PSTPIP2: variants seen among roughly 807,000 people sequenced by gnomAD.
PSTPIP2 encodes proline-serine-threonine phosphatase-interacting protein 2.
A neutral mutation model predicts 63.3 loss-of-function variants in PSTPIP2; 33 were observed. The observed-to-expected ratio is 0.52, with a 90% CI of 0.40 to 0.70. The LOEUF is 0.70. Ranked by LOEUF, PSTPIP2 falls within the 30% of genes least tolerant of loss-of-function variation. The probability of loss-of-function intolerance (pLI) is 0.00; values close to 1 mark genes in which losing one functional copy is unlikely to be tolerated. For synonymous variants in PSTPIP2, 125 were observed against 132.7 expected (o/e 0.94, Z 0.40); for missense variants, 312 against 400.7 (o/e 0.78, Z 1.89).
chr18:46,026,730 T>G lies in PSTPIP2; in HGVS notation c.135-2044A>C, dbSNP rs528003602. Among the ~76,000 whole-genome samples, 5 of 151,986 alleles carry G rather than the reference T, an allele frequency of 3.3e-5. No individual in the cohort carries two copies. The South Asian group carries it at 1.0e-3, about 32-fold the overall frequency. On this transcript the variant is annotated intron_variant, in intron 2 of 14. Coordinates refer to ENST00000409746, the MANE Select transcript of PSTPIP2 (RefSeq NM_024430.4). ...GCCTCTACAAAATTAAATAAATAAATAAATGAAATAAACGGGTGTGGTGGT... is the reference window on the plus strand; with the variant it reads ...GCCTCTACAAAATTAAATAAATAAAGAAATGAAATAAACGGGTGTGGTGGT...
intron 3 of PSTPIP2, among the ~76,000 whole-genome samples, chr18:46,019,489 C>T (rs577375): frequency 1 from 151,850 of 152,306 alleles, 75,697 homozygotes; most frequent in Middle Eastern, 1. Context: ...TTTCAAGGAG[C>T]ACAATGCATT....
chr18:46,055,566 GC>G (rs1293908787), intron 1 of PSTPIP2, among the ~76,000 whole-genome samples: 1 of 152,180 alleles, frequency 6.6e-6, no homozygotes, highest in African/African-American at 2.4e-5. Context: ...CGAGCTGCCT[GC>G]CTCGGCCTCC....
chr18:46,068,526 C>T (rs1909273861), intron 1 of PSTPIP2, among the ~76,000 whole-genome samples: 2 of 151,896 alleles, frequency 1.3e-5, no homozygotes, highest in South Asian at 4.2e-4. Context: ...TCTCGATCTC[C>T]TGACCTCGTG....
At chr18:46,068,924 T>C (rs1467477489) in intron 1 of PSTPIP2, among the ~76,000 whole-genome samples, 2 of 152,122 alleles carry the variant, frequency 1.3e-5, no homozygotes, top group African/African-American at 4.8e-5. Flanking sequence ...CAGCCTTGTG[T>C]TGACAGCAGG....
At chr18:46,015,490 G>A (rs1451962979) in intron 4 of PSTPIP2, among the ~76,000 whole-genome samples, 3 of 152,062 alleles carry the variant, frequency 2.0e-5, no homozygotes, top group African/African-American at 4.8e-5. Context: ...AAGTATAGAC[G>A]ATTCTCTGAG....
intron 13 of PSTPIP2, among the ~76,000 whole-genome samples, chr18:45,989,454 C>T (rs1260733361): frequency 6.6e-6 from 1 of 152,196 alleles, no homozygotes; most frequent in African/African-American, 2.4e-5. Flanking sequence ...CTGAGGCTTC[C>T]CCAGCCATGT....
intron 2 of PSTPIP2, among the ~76,000 whole-genome samples, chr18:46,026,249 A>G (rs1158521822): frequency 6.6e-6 from 1 of 152,240 alleles, no homozygotes; most frequent in African/African-American, 2.4e-5. Flanking sequence ...ATCTTTTAAA[A>G]TTGCTACCAG....
intron 2 of PSTPIP2, among the ~76,000 whole-genome samples, chr18:46,030,575 T>C (rs931895165): frequency 1.9e-4 from 29 of 152,242 alleles, no homozygotes; most frequent in African/African-American, 7.0e-4. Context: ...GTCTGAACTA[T>C]TTATTACAAT....
intron 9 of PSTPIP2, chr18:45,993,996 A>G (rs1056912615): frequency 5.3e-6 from 2 of 374,350 alleles, no homozygotes; most frequent in Non-Finnish European, 1.0e-5. Context: ...ATTTCCAACT[A>G]TCTAACATCA....
intron 1 of PSTPIP2, among the ~76,000 whole-genome samples, chr18:46,070,689 A>AT (rs202048415): frequency 0.029 from 4,350 of 151,734 alleles, 92 homozygotes; most frequent in African/African-American, 0.066. Flanking sequence ...AATTTTTAAG[A>AT]TTTTTTTGTA....
At chr18:46,054,724 G>C (rs890633108) in intron 1 of PSTPIP2, among the ~76,000 whole-genome samples, 4 of 149,298 alleles carry the variant, frequency 2.7e-5, no homozygotes, top group Admixed American at 2.0e-4. Context: ...GCAGTGGCGC[G>C]ATCTTGGCTC....
At chr18:46,072,047 C>A in intron 1 of PSTPIP2, 109 bp downstream of exon 1, 5 of 1,334,810 alleles carry the variant, frequency 3.7e-6, no homozygotes, top group Non-Finnish European at 4.9e-6. Flanking sequence ...CCCGGGCGCG[C>A]GGTCACCGAG....
In PSTPIP2 at chr18:46,029,216, G is replaced by A. The variant is rs9966168; in HGVS notation, c.135-4530C>T. On this transcript the variant is annotated intron_variant, in intron 2 of 14. Transcript: ENST00000409746. The stretch of plus-strand genomic sequence containing the variant: ...ATTAATTCCTGTGCATCAAGTGAGA[G>A]GTTTGAAAGAAGATAGTGAGGAGCT... 12 of 1,059,606 alleles carry A rather than the reference G, an allele frequency of 1.1e-5. 1 individual carries two copies. The highest frequency in any genetic ancestry group is 8.0e-5 in the African/African-American group (5 of 62,616). 65.6% of individuals were successfully genotyped at this position (1,059,606 alleles called of 1,614,324 possible).
rs145870504 is a variant in PSTPIP2, at chr18:46,047,661, G to T, written c.34-7614C>A. ...GCCGAAGTCACGCCTTTGCACTCCA[G>T]CCTGGGCAACAAGAGCGAAATTCCA... On this transcript the variant is annotated intron_variant, in intron 1 of 14. Transcript: ENST00000409746. 4.7e-3 allele frequency among the ~76,000 whole-genome samples: 709 copies of T among 152,052 alleles called. 3 individuals are homozygous for T. The highest frequency in any genetic ancestry group is 7.0e-3 in the Non-Finnish European group (478 of 67,990).
intron 1 of PSTPIP2, among the ~76,000 whole-genome samples, chr18:46,063,203 A>G (rs1909052618): frequency 6.6e-6 from 1 of 151,972 alleles, no homozygotes; most frequent in Non-Finnish European, 1.5e-5. Context: ...CAGGGTCTCA[A>G]TATGTTGCCC....
At chr18:46,015,695 T>C (rs1259026474) in intron 4 of PSTPIP2, among the ~76,000 whole-genome samples, 1 of 152,118 alleles carries the variant, frequency 6.6e-6, no homozygotes, top group Admixed American at 6.5e-5. Flanking sequence ...AGCATGGCTC[T>C]GAGTAAGGCA....
chr18:46,054,867 C>T (rs1908704250), intron 1 of PSTPIP2, among the ~76,000 whole-genome samples: 1 of 151,914 alleles, frequency 6.6e-6, no homozygotes, highest in Non-Finnish European at 1.5e-5. Context: ...TACCGTTGGT[C>T]AAGCTGGTCT....
intron 1 of PSTPIP2, among the ~76,000 whole-genome samples, chr18:46,064,028 C>G (rs1007667573): frequency 6.6e-6 from 1 of 152,128 alleles, no homozygotes; most frequent in African/African-American, 2.4e-5. Context: ...AGGCATTGAA[C>G]CAGGCACCAC....
At chr18:46,012,715 G>A (rs549801512) in intron 4 of PSTPIP2, among the ~76,000 whole-genome samples, 6 of 152,326 alleles carry the variant, frequency 3.9e-5, no homozygotes, top group African/African-American at 1.4e-4. Context: ...GGAGTTTGCA[G>A]TGAGCCGAGA....
Sources: gnomAD v4.1 joint callset for allele counts (sites outside exome capture counted in the v4.1 genomes callset) on GRCh38, gnomAD v4.1.1 for gene constraint, MANE v1.5 for transcripts, NCBI Gene and HGNC (gene_info 2026-07-23, HGNC 2026-07-21) for gene names.